TRAK1: variants seen among roughly 807,000 people sequenced by gnomAD.
TRAK1 encodes the protein trafficking kinesin-binding protein 1.
Under a neutral mutation model 92.1 loss-of-function variants are expected in TRAK1, and 33 were observed. The ratio of observed to expected loss-of-function variants is 0.36; its 90% CI spans 0.27 to 0.48. The LOEUF (loss-of-function observed/expected upper bound fraction) is 0.48, where lower values mean the gene tolerates loss of function less well. TRAK1 is among the 20% of genes least tolerant of loss of function. The pLI is 0.99. For synonymous variants in TRAK1, 521 were observed against 517.3 expected, an observed-to-expected ratio of 1.01 and a Z score of -0.10; for missense variants, 1,123 against 1,257.9, an observed-to-expected ratio of 0.89 and a Z score of 1.62.
chr3:42,024,299 T>G (rs1701838907), intron 1 of TRAK1, among the ~76,000 whole-genome samples: 1 of 152,202 alleles, frequency 6.6e-6, no homozygotes, highest in Non-Finnish European at 1.5e-5. Flanking sequence ...AGAGGCCAAG[T>G]GAGATAGAAG....
upstream of TRAK1, among the ~76,000 whole-genome samples, chr3:42,083,402 C>T (rs1704525168): frequency 2.6e-5 from 4 of 152,162 alleles, no homozygotes; most frequent in South Asian, 6.2e-4. Context: ...GTCTTCCTCA[C>T]CTTTTGAGTT....
chr3:42,044,370 C>T (rs1162939821), intron 1 of TRAK1, among the ~76,000 whole-genome samples: 6 of 152,164 alleles, frequency 3.9e-5, no homozygotes, highest in African/African-American at 9.6e-5. Context: ...CCGTGCTACC[C>T]GGGCTGGTCT....
intron 2 of TRAK1, among the ~76,000 whole-genome samples, chr3:42,153,058 C>T (rs1481095837): frequency 1.3e-5 from 2 of 151,994 alleles, no homozygotes; most frequent in Non-Finnish European, 2.9e-5. Flanking sequence ...ATTTTATTTT[C>T]TCAGAAATAG....
chr3:42,200,132 C>A (rs891348624), intron 11 of TRAK1, among the ~76,000 whole-genome samples: 6 of 152,140 alleles, frequency 3.9e-5, no homozygotes, highest in African/African-American at 1.4e-4. Context: ...ATAGACAGAA[C>A]TTAAATGAGA....
At chr3:42,190,297 G>A (rs1705522078) in intron 6 of TRAK1, among the ~76,000 whole-genome samples, 2 of 152,122 alleles carry the variant, frequency 1.3e-5, no homozygotes, top group African/African-American at 4.8e-5. Context: ...GTTCTTGAGA[G>A]CCCCTTAATA....
intron 1 of TRAK1, among the ~76,000 whole-genome samples, chr3:42,027,326 A>G (rs1414156989): frequency 6.6e-6 from 1 of 152,170 alleles, no homozygotes; most frequent in African/African-American, 2.4e-5. Context: ...GATCGAGACC[A>G]TCTTGGCTAA....
chr3:42,191,895 ATTTTTT>A lies in TRAK1; in HGVS notation c.769+277_769+282del, dbSNP rs68023368. ...TTTGGCTTTATACTGGAATATTGGA[ATTTTTT>A]TTTTTTTTTTTTTTTTTGAGACAGA... On this transcript the variant is annotated intron_variant, in intron 7 of 15. Transcript: ENST00000327628. Among the ~76,000 whole-genome samples, 22 of 72,768 alleles carry A rather than the reference ATTTTTT, an allele frequency of 3.0e-4. No individual in the cohort carries two copies. The East Asian group carries it at 8.1e-3, about 27-fold the overall frequency. 47.7% of individuals were successfully genotyped at this position (72,768 alleles called of 152,430 possible).
At chr3:42,130,182 G>T (rs1004190534) in intron 2 of TRAK1, among the ~76,000 whole-genome samples, 3 of 151,952 alleles carry the variant, frequency 2.0e-5, no homozygotes, top group African/African-American at 2.4e-5. Context: ...ATAGACTTTT[G>T]TAGTCACATA....
In TRAK1 at chr3:42,219,533, C is replaced by T; in HGVS notation, c.2003C>T (p.Thr668Ile). Residue 668 changes from threonine (T) to isoleucine (I), a missense_variant, in exon 15 of 16, where the codon ACC becomes ATC. Coordinates refer to ENST00000327628, the MANE Select transcript of TRAK1 (RefSeq NM_001042646.3). ...AAGTGCATGTCTCAGACCAACTCCA[C>T]CTTCACCTTCACCACCTGTCGCATC... ...PGKCMSQTNS[T>I]FTFTTCRILH... is the part of the protein sequence containing the mutation. The T allele has an allele frequency of 6.2e-7, 1 of 1,614,090 alleles. No individual in the cohort carries two copies. The highest frequency in any genetic ancestry group is 8.5e-7 in the Non-Finnish European group (1 of 1,180,014).
Position 42,202,763 on chromosome 3 carries a change from G to A in TRAK1, c.1744+11G>A, listed in dbSNP as rs376172950. On this transcript the variant is annotated intron_variant, in intron 13 of 15. Coordinates refer to ENST00000327628, the MANE Select transcript of TRAK1 (RefSeq NM_001042646.3). This position sits in a 1 kb window ranked among gnomAD's most constrained non-coding sequence, Gnocchi z 6.1. ...TGAAGCCGCTGGAAGGTGATCACGC[G>A]GGGCCTCGGCCCCTCTCTGTCCTCC... 5.6e-6 allele frequency: 9 copies of A among 1,613,066 alleles called. No homozygotes were observed. Among genetic ancestry groups the A allele is most frequent in the South Asian group, 2.2e-5 (2 of 91,028 alleles).
At chr3:42,036,773 C>T (rs190655542) in intron 1 of TRAK1, among the ~76,000 whole-genome samples, 63 of 152,208 alleles carry the variant, frequency 4.1e-4, no homozygotes, top group African/African-American at 1.3e-3. Flanking sequence ...CTTTTTGAGA[C>T]AGGGTCTCGC....
chr3:42,054,511 A>AGCTG (rs1321893449), intron 1 of TRAK1, among the ~76,000 whole-genome samples: 2 of 152,182 alleles, frequency 1.3e-5, no homozygotes, highest in Non-Finnish European at 2.9e-5. Flanking sequence ...CCAGCAAATC[A>AGCTG]GTTATATAGC....
intron 7 of TRAK1, among the ~76,000 whole-genome samples, chr3:42,192,370 G>A (rs1705899956): frequency 6.9e-6 from 1 of 144,632 alleles, no homozygotes; most frequent in African/African-American, 2.5e-5. Context: ...AAGTTTACAA[G>A]TTAAGACCAA....
intron 2 of TRAK1, among the ~76,000 whole-genome samples, chr3:42,155,194 G>A (rs1035357204): frequency 6.6e-6 from 1 of 152,098 alleles, no homozygotes; most frequent in African/African-American, 2.4e-5. Flanking sequence ...AGGAAAACGG[G>A]TTTGGGATTC....
chr3:42,192,532 T>C (rs934927133), intron 7 of TRAK1, among the ~76,000 whole-genome samples: 2 of 152,184 alleles, frequency 1.3e-5, no homozygotes, highest in Non-Finnish European at 2.9e-5. Flanking sequence ...ACTAAGTATT[T>C]TGCATTTCAG....
intron 1 of TRAK1, among the ~76,000 whole-genome samples, chr3:42,070,248 A>ATT (rs1559736160): frequency 6.8e-6 from 1 of 146,290 alleles, no homozygotes; most frequent in African/African-American, 2.5e-5. Flanking sequence ...GAATAATAAT[A>ATT]ATTATTATAA....
At chr3:42,220,706 T>G in intron 15 of TRAK1, 2 of 699,500 alleles carry the variant, frequency 2.9e-6, no homozygotes, top group Non-Finnish European at 3.5e-6. Flanking sequence ...TCTGTGGTTG[T>G]GCCTGGCTAA....
chr3:42,034,704 C>T (rs930480287), intron 1 of TRAK1, among the ~76,000 whole-genome samples: 7 of 152,114 alleles, frequency 4.6e-5, no homozygotes, highest in Non-Finnish European at 1.0e-4. Context: ...TTAGAAGCTG[C>T]CTTAACAGCG....
chr3:42,185,028 C>G, intron 4 of TRAK1: 1 of 519,506 alleles, frequency 1.9e-6, no homozygotes, highest in Non-Finnish European at 3.5e-6. Context: ...TTCCTCAGGC[C>G]ATGTGGATGG....
Sources: allele counts gnomAD v4.1 joint callset (sites outside exome capture counted in the v4.1 genomes callset), GRCh38; gene constraint gnomAD v4.1.1; non-coding constraint Gnocchi (gnomAD v3.1); transcripts MANE v1.5; gene names NCBI Gene and HGNC (gene_info 2026-07-23, HGNC 2026-07-21).